CADM2: variants seen among roughly 807,000 people sequenced by gnomAD.
The protein encoded by CADM2 is cell adhesion molecule 2.
Under a neutral mutation model 49.8 loss-of-function variants are expected in CADM2, and 12 were observed. The observed-to-expected ratio is 0.24, with a 90% CI of 0.15 to 0.39. CADM2 has a LOEUF of 0.39. CADM2 is among the 10% of genes least tolerant of loss of function. The pLI is 1.00. For synonymous variants in CADM2, 214 were observed against 175.4 expected (o/e 1.22, Z -1.74); for missense variants, 378 against 492.3 (o/e 0.77, Z 2.20).
At chr3:85,023,943 G>A (rs1438863545) in intron 1 of CADM2, among the ~76,000 whole-genome samples, 2 of 152,000 alleles carry the variant, frequency 1.3e-5, no homozygotes, top group Non-Finnish European at 2.9e-5. Flanking sequence ...CTCAAGTCGT[G>A]TTATACACAC....
intron 8 of CADM2, among the ~76,000 whole-genome samples, chr3:86,058,305 A>T (rs1738230990): frequency 6.6e-6 from 1 of 152,202 alleles, no homozygotes; most frequent in Admixed American, 6.6e-5. Context: ...ATATTTTTCC[A>T]CATGGCAGCT....
intron 1 of CADM2, among the ~76,000 whole-genome samples, chr3:85,351,689 G>A (rs1355412300): frequency 6.6e-6 from 1 of 152,118 alleles, no homozygotes; most frequent in Non-Finnish European, 1.5e-5. Context: ...TTCTGGTCCT[G>A]AAAATTTGGG....
At chr3:85,064,042 A>G (rs1416682586) in intron 1 of CADM2, among the ~76,000 whole-genome samples, 1 of 152,182 alleles carries the variant, frequency 6.6e-6, no homozygotes, top group East Asian at 1.9e-4. Flanking sequence ...TTGAAGGAAA[A>G]CCGATTCCTT....
intron 1 of CADM2, among the ~76,000 whole-genome samples, chr3:85,617,691 G>A (rs539012354): frequency 1.2e-4 from 18 of 152,176 alleles, no homozygotes; most frequent in African/African-American, 3.6e-4. Context: ...GGTCTTTCTC[G>A]TGACCAGTTC....
intron 2 of CADM2, among the ~76,000 whole-genome samples, chr3:85,769,591 TATATACAC>T: frequency 1.2e-5 from 1 of 80,582 alleles, no homozygotes; most frequent in East Asian, 3.6e-4. Flanking sequence ...ACATATATAG[TATATACAC>T]ATATATACAT....
Position 86,066,332 on chromosome 3 carries a change from CAAAAAA to C in CADM2, c.1097-312_1097-307del, listed in dbSNP as rs10663610. 1.2e-3 allele frequency among the ~76,000 whole-genome samples: 36 copies of C among 30,362 alleles called. 1 individual carries two copies. The highest frequency in any genetic ancestry group is 6.8e-3 in the African/African-American group (32 of 4,676). 19.9% of individuals were successfully genotyped at this position (30,362 alleles called of 152,430 possible). A position where few individuals can be genotyped will look rare whatever the true frequency, so the allele number is the denominator to read the frequency against. ...TGGGCGAGAGAGCGAGACTCCGTCT[CAAAAAA>C]AAAAAAAAAAAAAAAAAAAAGATCT... is the stretch of plus-strand genomic sequence containing the variant. On this transcript the variant is annotated intron_variant, in intron 9 of 9. Coordinates refer to ENST00000383699, the MANE Select transcript of CADM2 (RefSeq NM_001167675.2).
intron 1 of CADM2, among the ~76,000 whole-genome samples, chr3:85,679,291 C>T (rs532872891): frequency 8.6e-5 from 13 of 151,886 alleles, no homozygotes; most frequent in Admixed American, 5.2e-4. Context: ...GCTAAGTATG[C>T]GCAGAGGATC....
At chr3:86,061,731 T>A (rs1738677237) in intron 8 of CADM2, among the ~76,000 whole-genome samples, 1 of 152,266 alleles carries the variant, frequency 6.6e-6, no homozygotes, top group South Asian at 2.1e-4. Context: ...CTAAAAATTG[T>A]TAATCTTTAA....
intron 1 of CADM2, among the ~76,000 whole-genome samples, chr3:85,230,387 T>C (rs2042259370): frequency 6.6e-6 from 1 of 152,234 alleles, no homozygotes; most frequent in South Asian, 2.1e-4. Flanking sequence ...TTAGTGCAAG[T>C]AATCGAGTAT....
intron 1 of CADM2, among the ~76,000 whole-genome samples, chr3:85,311,686 T>C (rs887518831): frequency 1.7e-4 from 26 of 152,190 alleles, no homozygotes; most frequent in Admixed American, 1.6e-3. Context: ...GCATCATTTT[T>C]ATTTTAAAGT....
At position 85,196,408 on chromosome 3, in the gene CADM2, G is replaced by A. The variant is rs1280011404; in HGVS notation, c.61+236740G>A. ...GATCTCTTCCATCAGTTTGTTATGA[G>A]TTACATCCTGAAGTATAATCAAATG... On this transcript the variant is annotated intron_variant, in intron 1 of 9. Coordinates refer to ENST00000383699, the MANE Select transcript of CADM2 (RefSeq NM_001167675.2). 2.0e-5 allele frequency among the ~76,000 whole-genome samples: 3 copies of A among 152,000 alleles called. No homozygotes were observed. The East Asian group carries it at 5.8e-4, about 29-fold the overall frequency.
intron 1 of CADM2, among the ~76,000 whole-genome samples, chr3:85,121,649 G>A (rs1041751675): frequency 1.3e-5 from 2 of 152,048 alleles, no homozygotes; most frequent in Non-Finnish European, 2.9e-5. Flanking sequence ...GTGTTATTTA[G>A]TATTCAATAC....
At chr3:85,114,713 T>C (rs1338468660) in intron 1 of CADM2, among the ~76,000 whole-genome samples, 1 of 152,204 alleles carries the variant, frequency 6.6e-6, no homozygotes, top group Non-Finnish European at 1.5e-5. Flanking sequence ...ATTAACTGTG[T>C]GACCTTGGGC....
intron 8 of CADM2, among the ~76,000 whole-genome samples, chr3:85,965,560 C>G (rs72910593): frequency 6.6e-6 from 1 of 151,270 alleles, no homozygotes; most frequent in South Asian, 2.1e-4. Flanking sequence ...ATTAGGTTAA[C>G]GCTATTGAAA....
chr3:85,453,766 C>G (rs543991230), intron 1 of CADM2, among the ~76,000 whole-genome samples: 1 of 152,108 alleles, frequency 6.6e-6, no homozygotes, highest in South Asian at 2.1e-4. Context: ...TAGATTTAAA[C>G]TATGTTAAAG....
chr3:84,964,486 A>G (rs1373748172), intron 1 of CADM2, among the ~76,000 whole-genome samples: 4 of 152,186 alleles, frequency 2.6e-5, no homozygotes, highest in Non-Finnish European at 5.9e-5. Context: ...GCTCTATGAT[A>G]TTTATTGAGA....
At position 85,814,762 on chromosome 3, in the gene CADM2, T is replaced by C. The variant is rs201324747; in HGVS notation, c.238+12566T>C. Among the ~76,000 whole-genome samples the C allele has an allele frequency of 1.1e-4, 17 of 152,142 alleles. No individual in the cohort carries two copies. The East Asian group carries it at 3.3e-3, about 29-fold the overall frequency. On this transcript the variant is annotated intron_variant, in intron 3 of 9. Coordinates refer to ENST00000383699, the MANE Select transcript of CADM2 (RefSeq NM_001167675.2). The stretch of plus-strand genomic sequence containing the variant: ...GAAATGGTAGTTCTATAGAATTCTA[T>C]AGTATATTCTATTCTATAGTATTCT...
At chr3:85,579,188 T>A (rs777206298) in intron 1 of CADM2, among the ~76,000 whole-genome samples, 11 of 152,200 alleles carry the variant, frequency 7.2e-5, no homozygotes, top group Non-Finnish European at 1.5e-4. Flanking sequence ...GTCATGAACT[T>A]AATTTATAAT....
chr3:85,700,138 T>A (rs1305964253), intron 1 of CADM2, among the ~76,000 whole-genome samples: 1 of 152,190 alleles, frequency 6.6e-6, no homozygotes, highest in Non-Finnish European at 1.5e-5. Context: ...ACAGACACTA[T>A]GGAATACTAT....
Sources: allele counts gnomAD v4.1 joint callset (sites outside exome capture counted in the v4.1 genomes callset), GRCh38; gene constraint gnomAD v4.1.1; transcripts MANE v1.5; gene names NCBI Gene and HGNC (gene_info 2026-07-23, HGNC 2026-07-21).